SREBF2: variants seen among roughly 807,000 people sequenced by gnomAD.
The protein encoded by SREBF2 is sterol regulatory element-binding protein 2.
Under a neutral mutation model 113.1 loss-of-function variants are expected in SREBF2, and 55 were observed. The observed-to-expected ratio is 0.49, with a 90% CI of 0.39 to 0.61. SREBF2 has a LOEUF of 0.61. Ranked by LOEUF, SREBF2 falls within the 20% of genes least tolerant of loss-of-function variation. The pLI is 0.00. For missense variants in SREBF2, 1,349 were observed against 1,487.4 expected (o/e 0.91, Z 1.53); for synonymous variants, 593 against 605.7 (o/e 0.98, Z 0.31).
chr22:41,906,582 T>G lies in SREBF2; in HGVS notation c.*922T>G, dbSNP rs2146567910. ...AACAGTGGTTCAACTTAAACCATGT[T>G]TCAACTTTACAATTGGTCTGTTGGG... On this transcript the variant is annotated 3_prime_UTR_variant, in exon 19 of 19. Coordinates refer to ENST00000361204, the MANE Select transcript of SREBF2 (RefSeq NM_004599.4). 6.5e-6 allele frequency: 1 copy of G among 152,796 alleles called. No individual in the cohort carries two copies. Among genetic ancestry groups the G allele is most frequent in the South Asian group, 2.1e-4 (1 of 4,848 alleles). 9.5% of individuals were successfully genotyped at this position (152,796 alleles called of 1,614,324 possible). A position where few individuals can be genotyped will look rare whatever the true frequency, so the allele number is the denominator to read the frequency against.
At chr22:41,896,655 G>A (rs567001069) in intron 13 of SREBF2, among the ~76,000 whole-genome samples, 44 of 152,314 alleles carry the variant, frequency 2.9e-4, no homozygotes, top group African/African-American at 9.6e-4. Context: ...CACCGTGCCC[G>A]GCCCCAAAGT....
At chr22:41,842,355 C>T (rs927517789) in intron 1 of SREBF2, among the ~76,000 whole-genome samples, 3 of 152,144 alleles carry the variant, frequency 2.0e-5, no homozygotes, top group Non-Finnish European at 4.4e-5. Flanking sequence ...TCCTTTTTGA[C>T]TGAAAAAGTT....
chr22:41,886,556 A>T (rs1335724899), intron 11 of SREBF2, among the ~76,000 whole-genome samples: 3 of 152,176 alleles, frequency 2.0e-5, no homozygotes, highest in Non-Finnish European at 4.4e-5. Context: ...AAGTGAAGTT[A>T]CCCATGCAAC....
At chr22:41,892,758 G>A (rs2077376856) in intron 11 of SREBF2, among the ~76,000 whole-genome samples, 1 of 152,062 alleles carries the variant, frequency 6.6e-6, no homozygotes, top group Admixed American at 6.5e-5. Context: ...GGGGGCCCCT[G>A]AGACCCCTCC....
At chr22:41,888,311 TAA>T (rs1190789707) in intron 11 of SREBF2, among the ~76,000 whole-genome samples, 1 of 152,248 alleles carries the variant, frequency 6.6e-6, no homozygotes, top group Admixed American at 6.5e-5. Context: ...TTAATTTTTA[TAA>T]GAGTTGGAGG....
rs1361948795 is a variant in SREBF2, at chr22:41,834,976, A to T, written c.88+1618A>T. Among the ~76,000 whole-genome samples the T allele has an allele frequency of 2.0e-5, 3 of 152,112 alleles. No individual in the cohort carries two copies. The East Asian group carries it at 5.8e-4, about 29-fold the overall frequency. ...TGTCATCTCCCTCTCACTGATCCTGAAAGTGAGGCCCAGGGTGGTTCATTA... is the reference window on the plus strand; with the variant it reads ...TGTCATCTCCCTCTCACTGATCCTGTAAGTGAGGCCCAGGGTGGTTCATTA... On this transcript the variant is annotated intron_variant, in intron 1 of 18. Transcript: ENST00000361204.
rs548995136 is a variant in SREBF2, at chr22:41,906,916, T to C, written c.*1256T>C. On this transcript the variant is annotated 3_prime_UTR_variant, in exon 19 of 19. Coordinates refer to ENST00000361204, the MANE Select transcript of SREBF2 (RefSeq NM_004599.4). ...GGTGCAGCACCTCCCGGAGACTGTT[T>C]CTCCCATGGCCTCCTGAGTGATGGG... 1 of 152,282 alleles carries C rather than the reference T, an allele frequency of 6.6e-6. No individual in the cohort carries two copies. Among genetic ancestry groups the C allele is most frequent in the Admixed American group, 6.5e-5 (1 of 15,296 alleles). 9.4% of individuals were successfully genotyped at this position (152,282 alleles called of 1,614,324 possible).
intron 1 of SREBF2, among the ~76,000 whole-genome samples, chr22:41,860,729 C>A (rs576777286): frequency 5.3e-5 from 8 of 152,132 alleles, no homozygotes; most frequent in African/African-American, 1.9e-4. Flanking sequence ...AAAAAGATTT[C>A]TTTAAAGTTA....
chr22:41,868,957 TC>T (rs1422960375), intron 3 of SREBF2, among the ~76,000 whole-genome samples, 165 bp downstream of exon 3: 1 of 152,208 alleles, frequency 6.6e-6, no homozygotes, highest in Non-Finnish European at 1.5e-5. Context: ...CCTGGCTGAG[TC>T]CATATCTGTA....
At chr22:41,867,624 G>A (rs2077096416) in intron 2 of SREBF2, among the ~76,000 whole-genome samples, 1 of 152,180 alleles carries the variant, frequency 6.6e-6, no homozygotes, top group African/African-American at 2.4e-5. Context: ...GGCTAACTCA[G>A]TGAAACCCCA....
chr22:41,843,125 A>T (rs2076844462), intron 1 of SREBF2, among the ~76,000 whole-genome samples: 1 of 152,258 alleles, frequency 6.6e-6, no homozygotes, highest in South Asian at 2.1e-4. Context: ...GTCAAGTGAC[A>T]CATGACTTTA....
chr22:41,900,260 T>C (rs2077453770), intron 15 of SREBF2, 70 bp from the exon 16 acceptor site: 1 of 1,587,570 alleles, frequency 6.3e-7, no homozygotes, highest in Non-Finnish European at 8.5e-7. Context: ...AGTCACTGGC[T>C]TGGGCCCCTC....
intron 10 of SREBF2, among the ~76,000 whole-genome samples, chr22:41,884,324 A>C (rs771082865): frequency 6.6e-6 from 1 of 152,074 alleles, no homozygotes; most frequent in Non-Finnish European, 1.5e-5. Flanking sequence ...TTTAGTAGAG[A>C]TGGGGTTTCA....
At chr22:41,890,488 C>G (rs890738750) in intron 11 of SREBF2, among the ~76,000 whole-genome samples, 2 of 152,168 alleles carry the variant, frequency 1.3e-5, no homozygotes, top group South Asian at 4.1e-4. Flanking sequence ...TGTTAGGGGA[C>G]ACAACCTGGG....
At chr22:41,846,832 C>T (rs2076880561) in intron 1 of SREBF2, among the ~76,000 whole-genome samples, 1 of 152,166 alleles carries the variant, frequency 6.6e-6, no homozygotes, top group South Asian at 2.1e-4. Flanking sequence ...CTCTGACAGC[C>T]CTTTCTTTGT....
chr22:41,906,529 C>T lies in SREBF2; in HGVS notation c.*869C>T, dbSNP rs1050343312. The T allele has an allele frequency of 2.5e-5, 4 of 159,750 alleles. No individual in the cohort carries two copies. The highest frequency in any genetic ancestry group is 4.2e-5 in the Non-Finnish European group (3 of 72,236). The allele number at this position is 159,750 out of a possible 1,614,324, so 9.9% of individuals were successfully genotyped here. A position where few individuals can be genotyped will look rare whatever the true frequency, so the allele number is the denominator to read the frequency against. ...CCTCCTCCCCCTACCCCATCTCCTA[C>T]CTCCACAGTACAGACTGTCCCCAAC... is the stretch of plus-strand genomic sequence containing the variant. On this transcript the variant is annotated 3_prime_UTR_variant, in exon 19 of 19. Coordinates refer to ENST00000361204, the MANE Select transcript of SREBF2 (RefSeq NM_004599.4).
chr22:41,857,562 A>C (rs2076989062), intron 1 of SREBF2, among the ~76,000 whole-genome samples: 1 of 152,234 alleles, frequency 6.6e-6, no homozygotes, highest in Admixed American at 6.5e-5. Flanking sequence ...TGTGTGTATT[A>C]CAAAACAAGC....
At chr22:41,848,051 G>T (rs191928165) in intron 1 of SREBF2, among the ~76,000 whole-genome samples, 127 of 151,828 alleles carry the variant, frequency 8.4e-4, no homozygotes, top group Admixed American at 2.9e-3. Context: ...GAGTAGCTGG[G>T]ACTACAGGCG....
chr22:41,873,108 A>G (rs2077162055), intron 4 of SREBF2, among the ~76,000 whole-genome samples: 1 of 152,146 alleles, frequency 6.6e-6, no homozygotes, highest in African/African-American at 2.4e-5. Flanking sequence ...GAGGCAGCAG[A>G]ATCACTTGAA....
Sources: gnomAD v4.1 joint callset for allele counts (sites outside exome capture counted in the v4.1 genomes callset) on GRCh38, gnomAD v4.1.1 for gene constraint, MANE v1.5 for transcripts, NCBI Gene and HGNC (gene_info 2026-07-23, HGNC 2026-07-21) for gene names.